Variants in MGAT5 observed in about 807,000 individuals in gnomAD.
MGAT5 encodes the protein alpha-1,6-mannosylglycoprotein 6-beta-N-acetylglucosaminyltransferase.
In MGAT5, 30 loss-of-function variants were observed where a neutral mutation model predicts 94.3. The observed-to-expected ratio is 0.32, with a 90% confidence interval of 0.24 to 0.43. The LOEUF is 0.43. MGAT5 is among the 20% of genes least tolerant of loss of function. The pLI, the probability that MGAT5 is intolerant of heterozygous loss-of-function variation, is 1.00. For missense variants in MGAT5, 691 were observed against 905.5 expected (o/e 0.76, Z 3.04); for synonymous variants, 310 against 322.9 (o/e 0.96, Z 0.43).
intron 10 of MGAT5, among the ~76,000 whole-genome samples, chr2:134,396,967 A>G (rs1271948942): frequency 6.6e-6 from 1 of 152,218 alleles, no homozygotes; most frequent in Non-Finnish European, 1.5e-5. Context: ...GGGAGGAGAG[A>G]AGGTTCTTTT....
At chr2:134,418,856 C>T (rs959836101) in intron 12 of MGAT5, among the ~76,000 whole-genome samples, 3 of 152,170 alleles carry the variant, frequency 2.0e-5, no homozygotes, top group Non-Finnish European at 2.9e-5. Flanking sequence ...CTAGCTCCCT[C>T]CAGCAACATC....
intron 1 of MGAT5, among the ~76,000 whole-genome samples, chr2:134,205,645 C>G (rs374754994): frequency 3.3e-5 from 5 of 152,276 alleles, no homozygotes; most frequent in South Asian, 2.1e-4. Flanking sequence ...ATGTTTGGAT[C>G]TGGACCTTGT....
chr2:134,426,141 C>T (rs1472174239), intron 13 of MGAT5, among the ~76,000 whole-genome samples: 1 of 152,212 alleles, frequency 6.6e-6, no homozygotes, highest in Non-Finnish European at 1.5e-5. Flanking sequence ...CTTTCCAATG[C>T]AGAAGCCCCT....
chr2:134,319,856 G>C (rs573227473), intron 4 of MGAT5: 54 of 264,470 alleles, frequency 2.0e-4, no homozygotes, highest in African/African-American at 1.1e-3. Context: ...ATTAGCATGT[G>C]TATGCTCAAT....
intron 10 of MGAT5, among the ~76,000 whole-genome samples, chr2:134,367,383 C>T (rs1680501748): frequency 6.6e-6 from 1 of 152,168 alleles, no homozygotes; most frequent in Non-Finnish European, 1.5e-5. Flanking sequence ...AAGTGGTTGG[C>T]GAACTCTAGA....
At position 134,452,751 on chromosome 2, in the gene MGAT5, T is replaced by TA. The variant is rs1192451798; in HGVS notation, c.*3905dup. 3 of 152,254 alleles carry TA rather than the reference T, an allele frequency of 2.0e-5. No homozygotes were observed. The highest frequency in any genetic ancestry group is 7.2e-5 in the African/African-American group (3 of 41,474). The allele number at this position is 152,254 out of a possible 1,614,324, so 9.4% of individuals were successfully genotyped here. ...ATGTGTTACTATCCCAAGCCTGGAT[T>TA]ATTTTATTTATTTAAAAGTATTTTA... On this transcript the variant is annotated 3_prime_UTR_variant, in exon 16 of 16. Transcript: ENST00000281923.
Position 134,169,640 on chromosome 2 carries a change from A to G in MGAT5, c.-143+49349A>G, listed in dbSNP as rs75461724. 0.023 allele frequency among the ~76,000 whole-genome samples: 3,529 copies of G among 152,334 alleles called. 309 individuals are homozygous for G. In the East Asian group the frequency reaches 0.27, roughly 12 times the overall value. On this transcript the variant is annotated intron_variant, in intron 1 of 16. Coordinates refer to the MGAT5 transcript ENST00000409645. ...ACAGCACCTGATGTGAAAATCAGGA[A>G]GGAGAAAGGACTTCTTCAATATTTT...
chr2:134,121,948 A>G (rs1685614858), intron 1 of MGAT5, among the ~76,000 whole-genome samples: 1 of 152,148 alleles, frequency 6.6e-6, no homozygotes, highest in Non-Finnish European at 1.5e-5. Flanking sequence ...ACAGTTTTTC[A>G]TGAAGGGCAA....
At chr2:134,120,328 G>C (rs1184948477) in intron 1 of MGAT5, 2 of 390,078 alleles carry the variant, frequency 5.1e-6, no homozygotes, top group South Asian at 1.3e-4. Flanking sequence ...GCGTCGGAGG[G>C]AGCTCGTCAT....
At chr2:134,411,578 T>G (rs1390174449) in intron 11 of MGAT5, among the ~76,000 whole-genome samples, 1 of 152,246 alleles carries the variant, frequency 6.6e-6, no homozygotes, top group Non-Finnish European at 1.5e-5. Context: ...CAGAATTCCT[T>G]CAGGAGCTAC....
chr2:134,278,251 T>C (rs190286055), intron 2 of MGAT5, among the ~76,000 whole-genome samples: 23 of 152,316 alleles, frequency 1.5e-4, no homozygotes, highest in African/African-American at 5.5e-4. Flanking sequence ...CAAGGCTATG[T>C]TAATATGTTC....
chr2:134,182,869 C>A (rs1043550523), intron 1 of MGAT5, among the ~76,000 whole-genome samples: 1 of 146,420 alleles, frequency 6.8e-6, no homozygotes, highest in Non-Finnish European at 1.5e-5. Flanking sequence ...TCACTGCAAG[C>A]TCCGCCTCCA....
rs1411716634 is a variant in MGAT5 at position 134,452,151 on chromosome 2, C to G, written c.*3304C>G. The G allele has an allele frequency of 6.6e-6, 1 of 152,180 alleles. No individual in the cohort carries two copies. The highest frequency in any genetic ancestry group is 1.5e-5 in the Non-Finnish European group (1 of 68,060). The allele number at this position is 152,180 out of a possible 1,614,324, so 9.4% of individuals were successfully genotyped here. Reference sequence around the variant, plus strand: ...TGGACACCAGACGCTCCCTATAACCCCCCCGCCAGGCCATAGCGTGTATGC... The same window carrying G: ...TGGACACCAGACGCTCCCTATAACCGCCCCGCCAGGCCATAGCGTGTATGC... On this transcript the variant is annotated 3_prime_UTR_variant, in exon 16 of 16. Coordinates refer to ENST00000281923, the MANE Select transcript of MGAT5 (RefSeq NM_002410.5).
rs553953453 is a variant in MGAT5, at chr2:134,282,788, C to T, written c.406+12238C>T. Among the ~76,000 whole-genome samples, 4 of 152,230 alleles carry T rather than the reference C, an allele frequency of 2.6e-5. No individual in the cohort carries two copies. In the East Asian group the frequency reaches 7.7e-4, roughly 29 times the overall value. On this transcript the variant is annotated intron_variant, in intron 2 of 15. Transcript: ENST00000281923. ...AGTGGGTGCTGTTTCAGGTTTGAGG[C>T]TTGTCAAGAAAGCCTCTCTGAAGAA...
At chr2:134,273,533 C>T (rs1558750783) in intron 2 of MGAT5, among the ~76,000 whole-genome samples, 1 of 152,042 alleles carries the variant, frequency 6.6e-6, no homozygotes, top group Non-Finnish European at 1.5e-5. Context: ...GCTAATATAT[C>T]TTCTGGTTGG....
At chr2:134,250,812 G>A (rs1170570796), upstream of MGAT5, among the ~76,000 whole-genome samples, 3 of 152,296 alleles carry the variant, frequency 2.0e-5, no homozygotes, top group East Asian at 5.8e-4. Context: ...TCTCTGAACT[G>A]GGATAATTTT....
intron 12 of MGAT5, among the ~76,000 whole-genome samples, chr2:134,414,030 T>G (rs1373542927): frequency 6.6e-6 from 1 of 152,204 alleles, no homozygotes; most frequent in East Asian, 1.9e-4. Context: ...TCTCTGACCC[T>G]TCCTGTCATT....
chr2:134,333,294 T>C (rs1688100436), intron 4 of MGAT5, among the ~76,000 whole-genome samples: 3 of 151,656 alleles, frequency 2.0e-5, no homozygotes, highest in African/African-American at 7.3e-5. Flanking sequence ...GGGACATGGA[T>C]GAAATTGGAA....
intron 1 of MGAT5, among the ~76,000 whole-genome samples, chr2:134,256,342 G>A (rs1429705380): frequency 6.6e-6 from 1 of 152,198 alleles, no homozygotes; most frequent in African/African-American, 2.4e-5. Context: ...AGGTAACACA[G>A]GTGCAGTTTT....
Sources: gnomAD v4.1 joint callset for allele counts (sites outside exome capture counted in the v4.1 genomes callset) on GRCh38, gnomAD v4.1.1 for gene constraint, MANE v1.5 for transcripts, NCBI Gene and HGNC (gene_info 2026-07-23, HGNC 2026-07-21) for gene names.